The following SAMD5 variants were observed in gnomAD, a reference collection of about 807,000 sequenced individuals.
The protein encoded by SAMD5 is sterile alpha motif domain containing 5.
In SAMD5, 13 loss-of-function variants were observed where a neutral mutation model predicts 11.3. The observed-to-expected ratio is 1.15, with a 90% CI of 0.75 to 1.83. The LOEUF is 1.83. SAMD5 is among the 40% of genes most tolerant of loss of function. The pLI, the probability that SAMD5 is intolerant of heterozygous loss-of-function variation, is 0.00. For missense variants in SAMD5, 255 were observed against 239.1 expected (o/e 1.07, Z -0.44); for synonymous variants, 129 against 111.3 (o/e 1.16, Z -1.00).
the SAMD5 span, among the ~76,000 whole-genome samples, chr6:147,842,154 A>AG: frequency 6.6e-6 from 1 of 152,134 alleles, no homozygotes; most frequent in Non-Finnish European, 1.5e-5. Flanking sequence ...AAAAACAGGG[A>AG]GAAAAAATTA....
At chr6:147,855,482 A>G in the SAMD5 span, among the ~76,000 whole-genome samples, 1 of 152,160 alleles carries the variant, frequency 6.6e-6, no homozygotes. Flanking sequence ...CTGAAATTAT[A>G]TCCCTTGCCA....
chr6:147,862,865 T>C, the SAMD5 span, among the ~76,000 whole-genome samples: 1 of 152,176 alleles, frequency 6.6e-6, no homozygotes, highest in Non-Finnish European at 1.5e-5. Flanking sequence ...AAGGAGGTTT[T>C]TTTTTGTGGT....
chr6:147,941,457 G>A, the SAMD5 span, among the ~76,000 whole-genome samples: 1 of 152,218 alleles, frequency 6.6e-6, no homozygotes, highest in Admixed American at 6.5e-5. Flanking sequence ...ATTTGTAACA[G>A]TAAAGAGTGG....
intron 1 of SAMD5, among the ~76,000 whole-genome samples, chr6:147,644,298 A>T (rs1790363979): frequency 6.6e-6 from 1 of 152,200 alleles, no homozygotes; most frequent in Non-Finnish European, 1.5e-5. Flanking sequence ...GTATTGCTTT[A>T]GGTTTAGGAG....
the SAMD5 span, among the ~76,000 whole-genome samples, chr6:147,820,809 A>G: frequency 2.0e-5 from 3 of 152,248 alleles, no homozygotes; most frequent in South Asian, 4.1e-4. Flanking sequence ...TGAGTGTCGG[A>G]GCTGAAATTG....
intron 1 of SAMD5, among the ~76,000 whole-genome samples, chr6:147,539,144 G>A (rs1013354103): frequency 6.6e-6 from 1 of 152,162 alleles, no homozygotes; most frequent in Non-Finnish European, 1.5e-5. Flanking sequence ...AAAATTAGGC[G>A]TGCCATTTTA....
At chr6:147,790,732 A>ATCTCTCTC in the SAMD5 span, among the ~76,000 whole-genome samples, 1 of 85,130 alleles carries the variant, frequency 1.2e-5, no homozygotes, top group African/African-American at 5.7e-5. Context: ...GAATTGGTCG[A>ATCTCTCTC]TCTCTCTCTC....
intron 1 of SAMD5, among the ~76,000 whole-genome samples, chr6:147,625,569 A>G (rs1485319286): frequency 6.6e-6 from 1 of 152,214 alleles, no homozygotes; most frequent in Non-Finnish European, 1.5e-5. Flanking sequence ...TAAGATTCCT[A>G]AACAGCATTA....
the SAMD5 span, among the ~76,000 whole-genome samples, chr6:147,866,026 C>A: frequency 6.6e-6 from 1 of 152,010 alleles, no homozygotes; most frequent in African/African-American, 2.4e-5. Context: ...TTTAATAGCA[C>A]TGAATTAAAA....
At chr6:147,827,739 G>T in the SAMD5 span, among the ~76,000 whole-genome samples, 1 of 152,140 alleles carries the variant, frequency 6.6e-6, no homozygotes, top group Admixed American at 6.5e-5. Context: ...AATATAGGAA[G>T]TTTTGAAACT....
At chr6:147,869,043 G>A in the SAMD5 span, among the ~76,000 whole-genome samples, 20 of 152,196 alleles carry the variant, frequency 1.3e-4, no homozygotes, top group Non-Finnish European at 2.6e-4. Context: ...TTTGCACTGG[G>A]TAGCAGGATG....
the SAMD5 span, among the ~76,000 whole-genome samples, chr6:147,811,480 T>C: frequency 6.6e-6 from 1 of 152,176 alleles, no homozygotes; most frequent in Non-Finnish European, 1.5e-5. Flanking sequence ...GGATAGCTTT[T>C]GAACAGAACA....
At chr6:147,698,206 G>A (rs573451733) in intron 1 of SAMD5, among the ~76,000 whole-genome samples, 8 of 152,128 alleles carry the variant, frequency 5.3e-5, no homozygotes, top group East Asian at 1.9e-4. Flanking sequence ...GCCACAGACC[G>A]GTACCTGTCT....
At chr6:147,715,571 T>A (rs992935503) in intron 1 of SAMD5, among the ~76,000 whole-genome samples, 1 of 152,188 alleles carries the variant, frequency 6.6e-6, no homozygotes, top group Non-Finnish European at 1.5e-5. Context: ...CCCCTCTCCT[T>A]CTTGTCACCC....
chr6:147,645,186 G>T (rs1790379580), intron 1 of SAMD5, among the ~76,000 whole-genome samples: 2 of 152,162 alleles, frequency 1.3e-5, no homozygotes, highest in Non-Finnish European at 2.9e-5. Context: ...CTGATTTGAA[G>T]AAATGCCACT....
the SAMD5 span, among the ~76,000 whole-genome samples, chr6:147,827,635 T>C: frequency 1.3e-5 from 2 of 152,200 alleles, no homozygotes; most frequent in Non-Finnish European, 2.9e-5. Flanking sequence ...TCAGGAAGTG[T>C]TCTTGTCTCT....
At chr6:147,846,320 T>G in the SAMD5 span, among the ~76,000 whole-genome samples, 1 of 152,162 alleles carries the variant, frequency 6.6e-6, no homozygotes, top group Non-Finnish European at 1.5e-5. Flanking sequence ...CACAAAGCCA[T>G]GTATTTAATT....
At chr6:147,950,510 C>G in the SAMD5 span, among the ~76,000 whole-genome samples, 5 of 152,168 alleles carry the variant, frequency 3.3e-5, no homozygotes, top group Admixed American at 6.5e-5. Flanking sequence ...TGAGGTCTAG[C>G]TAACTCACAT....
chr6:147,529,840 A>G (rs1031339073), intron 1 of SAMD5, among the ~76,000 whole-genome samples: 4 of 152,220 alleles, frequency 2.6e-5, no homozygotes, highest in Non-Finnish European at 5.9e-5. Context: ...ACTGTTTTTG[A>G]ATATTGTCAT....
Sources: gnomAD v4.1 joint callset for allele counts (sites outside exome capture counted in the v4.1 genomes callset) on GRCh38, gnomAD v4.1.1 for gene constraint, MANE v1.5 for transcripts, NCBI Gene and HGNC (gene_info 2026-07-23, HGNC 2026-07-21) for gene names.